Variants in ERC1 observed in about 807,000 individuals in gnomAD.
ERC1 encodes ELKS/RAB6-interacting/CAST family member 1, also known as RAB6 interacting protein 2.
ERC1 carries 56 observed loss-of-function variants against 132.0 expected under a neutral mutation model. That is an observed-to-expected ratio of 0.42 (90% CI 0.34 to 0.53). The LOEUF (loss-of-function observed/expected upper bound fraction) is 0.53, where lower values mean the gene tolerates loss of function less well. Ranked by LOEUF, ERC1 falls within the 20% of genes least tolerant of loss-of-function variation. ERC1 has a pLI of 0.03. For missense variants in ERC1, 1,202 were observed against 1,349.9 expected (o/e 0.89, Z 1.72); for synonymous variants, 478 against 476.1 (o/e 1.00, Z -0.05).
chr12:1,236,037 A>T (rs1442379768), intron 12 of ERC1, among the ~76,000 whole-genome samples: 1 of 152,210 alleles, frequency 6.6e-6, no homozygotes, highest in Non-Finnish European at 1.5e-5. Context: ...AAAGGGAATA[A>T]TATTGAATAT....
chr12:1,473,481 G>A (rs553351195), intron 18 of ERC1, among the ~76,000 whole-genome samples: 12 of 152,100 alleles, frequency 7.9e-5, no homozygotes, highest in Admixed American at 7.2e-4. Flanking sequence ...AGTAGGAAGG[G>A]GAGCTGGGTG....
At chr12:1,199,799 A>G (rs1329517845) in intron 12 of ERC1, among the ~76,000 whole-genome samples, 1 of 151,794 alleles carries the variant, frequency 6.6e-6, no homozygotes, top group African/African-American at 2.4e-5. Context: ...AAAAAAAAAA[A>G]GTTATGTGAT....
At chr12:1,056,737 C>G (rs1973043437) in intron 2 of ERC1, among the ~76,000 whole-genome samples, 1 of 152,138 alleles carries the variant, frequency 6.6e-6, no homozygotes, top group Non-Finnish European at 1.5e-5. Flanking sequence ...TTGAACATAC[C>G]TGGCCCCCAG....
At chr12:1,477,366 A>G (rs2093995262) in intron 18 of ERC1, among the ~76,000 whole-genome samples, 1 of 152,208 alleles carries the variant, frequency 6.6e-6, no homozygotes, top group Non-Finnish European at 1.5e-5. Context: ...AGCTAAAGGT[A>G]AACACATTTC....
chr12:1,490,337 A>G lies in ERC1; in HGVS notation c.*107A>G. 9.2e-7 allele frequency: 1 copy of G among 1,083,682 alleles called. No individual in the cohort carries two copies. The highest frequency in any genetic ancestry group is 1.3e-6 in the Non-Finnish European group (1 of 760,992). 67.1% of individuals were successfully genotyped at this position (1,083,682 alleles called of 1,614,324 possible). A position where few individuals can be genotyped will look rare whatever the true frequency, so the allele number is the denominator to read the frequency against. Reference sequence around the variant, plus strand: ...CTTGGCACCAAACACTACAAACTTCATCCCAACTTGCTCACTTGAAGAAGT... The same window carrying G: ...CTTGGCACCAAACACTACAAACTTCGTCCCAACTTGCTCACTTGAAGAAGT... On this transcript the variant is annotated 3_prime_UTR_variant, in exon 19 of 19. Transcript: ENST00000360905.
At chr12:1,012,794 A>G (rs1425137469) in intron 1 of ERC1, among the ~76,000 whole-genome samples, 2 of 152,090 alleles carry the variant, frequency 1.3e-5, no homozygotes, top group Non-Finnish European at 2.9e-5. Flanking sequence ...TGCGTCCAAG[A>G]TCTTTTGGAC....
chr12:1,191,038 T>C (rs921746446), intron 12 of ERC1, among the ~76,000 whole-genome samples: 3 of 152,180 alleles, frequency 2.0e-5, no homozygotes, highest in African/African-American at 7.2e-5. Context: ...TCATAGAATT[T>C]TAATTTTCAA....
At chr12:1,020,100 C>G (rs564633032) in intron 1 of ERC1, among the ~76,000 whole-genome samples, 1 of 152,030 alleles carries the variant, frequency 6.6e-6, no homozygotes, top group Admixed American at 6.6e-5. Flanking sequence ...CTTTAAACAT[C>G]GCAGAAAACA....
intron 7 of ERC1, among the ~76,000 whole-genome samples, chr12:1,122,911 C>T (rs1947740170): frequency 6.6e-6 from 1 of 152,006 alleles, no homozygotes. Context: ...TGCTCCTTCC[C>T]CTTTCAGCAT....
At chr12:1,009,114 G>A (rs934810794) in intron 1 of ERC1, among the ~76,000 whole-genome samples, 9 of 151,804 alleles carry the variant, frequency 5.9e-5, no homozygotes, top group Non-Finnish European at 1.2e-4. Flanking sequence ...AAACAAAATC[G>A]ATAAAAGCAT....
intron 15 of ERC1, among the ~76,000 whole-genome samples, chr12:1,332,207 A>T (rs1456453403): frequency 6.6e-6 from 1 of 152,056 alleles, no homozygotes; most frequent in African/African-American, 2.4e-5. Flanking sequence ...AGTACTTTTG[A>T]ATTTTTTTAT....
At chr12:1,064,450 G>A (rs1938689901) in intron 2 of ERC1, among the ~76,000 whole-genome samples, 1 of 151,922 alleles carries the variant, frequency 6.6e-6, no homozygotes, top group Non-Finnish European at 1.5e-5. Context: ...GCTGGTGTGT[G>A]ATGGTTCAGT....
intron 15 of ERC1, 68 bp downstream of exon 15, chr12:1,290,080 C>A: frequency 7.3e-7 from 1 of 1,378,322 alleles, no homozygotes; most frequent in Non-Finnish European, 1.0e-6. Flanking sequence ...CTGCATTCAT[C>A]TTCTGGCTCT....
At chr12:1,276,587 A>G (rs1440793407) in intron 14 of ERC1, among the ~76,000 whole-genome samples, 2 of 149,150 alleles carry the variant, frequency 1.3e-5, no homozygotes, top group African/African-American at 2.5e-5. Context: ...TTTTTTTTTT[A>G]ATAACACTGC....
intron 1 of ERC1, among the ~76,000 whole-genome samples, chr12:1,003,688 A>T (rs1002637644): frequency 6.6e-6 from 1 of 152,204 alleles, no homozygotes; most frequent in Non-Finnish European, 1.5e-5. Flanking sequence ...ACACTTACAC[A>T]AGACAAGGCA....
At chr12:1,464,737 G>A (rs1003395290) in intron 18 of ERC1, among the ~76,000 whole-genome samples, 1 of 151,574 alleles carries the variant, frequency 6.6e-6, no homozygotes, top group Non-Finnish European at 1.5e-5. Flanking sequence ...AGCCAGGGTG[G>A]TCTCGATCTC....
At position 1,083,244 on chromosome 12, in the gene ERC1, T is replaced by A; in HGVS notation, c.750T>A (p.Ser250Arg). ...RDLNQLFQQD[S>R]SSRTGEPCVA... ...TGAATCAGCTGTTTCAGCAGGATAG[T>A]AGCAGCAGGACTGGCGAACCTTGTG... The change falls in exon 3 of 19, where the codon AGT becomes AGA. Residue 250 changes from serine to arginine, a missense_variant. Coordinates refer to ENST00000360905, the MANE Select transcript of ERC1 (RefSeq NM_178040.4). 1.2e-6 allele frequency: 2 copies of A among 1,614,152 alleles called. No homozygotes were observed. The highest frequency in any genetic ancestry group is 4.5e-5 in the East Asian group (2 of 44,882).
intron 8 of ERC1, among the ~76,000 whole-genome samples, chr12:1,156,327 C>A (rs747245795): frequency 3.3e-5 from 5 of 152,098 alleles, no homozygotes; most frequent in Non-Finnish European, 7.4e-5. Flanking sequence ...CGGCCTCTGC[C>A]TCCCAGGTTC....
intron 17 of ERC1, among the ~76,000 whole-genome samples, chr12:1,428,495 T>C (rs1285262163): frequency 6.6e-6 from 1 of 152,198 alleles, no homozygotes; most frequent in African/African-American, 2.4e-5. Flanking sequence ...GTGTGCCTTC[T>C]AGAATGTTAT....
Sources: allele counts gnomAD v4.1 joint callset (sites outside exome capture counted in the v4.1 genomes callset), GRCh38; gene constraint gnomAD v4.1.1; transcripts MANE v1.5; gene names NCBI Gene and HGNC (gene_info 2026-07-23, HGNC 2026-07-21).